Variants in GARNL3 observed in about 807,000 individuals in gnomAD.
GARNL3 encodes the protein GTPase activating Rap/RanGAP domain like 3.
In GARNL3, 63 loss-of-function variants were observed where a neutral mutation model predicts 125.0. The observed-to-expected ratio is 0.50, with a 90% CI of 0.41 to 0.62. The LOEUF is 0.62. Among genes scored for constraint, GARNL3 ranks in the 20% least tolerant of loss-of-function variants. GARNL3 has a pLI of 0.00. For missense variants in GARNL3, 994 were observed against 1,244.0 expected, an observed-to-expected ratio of 0.80 and a Z score of 3.02; for synonymous variants, 439 against 457.5, an observed-to-expected ratio of 0.96 and a Z score of 0.52.
At chr9:127,387,148 C>T (rs1832583348) in intron 24 of GARNL3, 45 bp from the exon 25 acceptor site, 2 of 1,588,634 alleles carry the variant, frequency 1.3e-6, no homozygotes, top group Non-Finnish European at 1.7e-6. Context: ...GGATGCAAGG[C>T]CTAGAACACC....
intron 22 of GARNL3, among the ~76,000 whole-genome samples, chr9:127,377,463 G>A (rs1332200477): frequency 2.0e-5 from 3 of 152,138 alleles, no homozygotes; most frequent in Admixed American, 6.6e-5. Flanking sequence ...AAGTCTTAGC[G>A]GTGGAGAGAG....
intron 11 of GARNL3, among the ~76,000 whole-genome samples, chr9:127,337,704 G>A (rs1483475729): frequency 1.3e-5 from 2 of 152,124 alleles, no homozygotes; most frequent in African/African-American, 2.4e-5. Flanking sequence ...GGTATACAGC[G>A]GAAACATTTA....
At chr9:127,308,519 C>A (rs1564904002) in intron 2 of GARNL3, among the ~76,000 whole-genome samples, 1 of 151,862 alleles carries the variant, frequency 6.6e-6, no homozygotes, top group Non-Finnish European at 1.5e-5. Flanking sequence ...GCACATGTAC[C>A]CCTTCAACCT....
rs1472767427 is a variant in GARNL3 at position 127,384,207 on chromosome 9, C to A, written c.2269+662C>A. On this transcript the variant is annotated intron_variant, in intron 23 of 27. Coordinates refer to ENST00000373387, the MANE Select transcript of GARNL3 (RefSeq NM_032293.5). This position sits in a 1 kb window ranked among gnomAD's most constrained non-coding sequence, Gnocchi z 4.0. ...AGTTAGACTTGATGACAGATTAGAT[C>A]TGGTAGACAGGAAAGGGAGATTTTG... Among the ~76,000 whole-genome samples the A allele has an allele frequency of 6.6e-6, 1 of 152,148 alleles. No individual in the cohort carries two copies. The highest frequency in any genetic ancestry group is 2.4e-5 in the African/African-American group (1 of 41,418).
At chr9:127,348,373 T>A (rs901371856) in intron 16 of GARNL3, among the ~76,000 whole-genome samples, 2 of 152,236 alleles carry the variant, frequency 1.3e-5, no homozygotes, top group African/African-American at 4.8e-5. Context: ...TAGCTCTGTT[T>A]ACAGCTCTTG....
chr9:127,259,263 C>T (rs555152116), upstream of GARNL3, among the ~76,000 whole-genome samples: 2 of 152,196 alleles, frequency 1.3e-5, no homozygotes, highest in African/African-American at 4.8e-5. Context: ...AATCTTTGCT[C>T]TCATCCCAGG....
chr9:127,346,052 A>G (rs1414132616), intron 16 of GARNL3, among the ~76,000 whole-genome samples: 1 of 152,232 alleles, frequency 6.6e-6, no homozygotes, highest in Non-Finnish European at 1.5e-5. Flanking sequence ...TTGAAAAACC[A>G]ATGCTTAATC....
chr9:127,355,148 TC>T (rs1830620337), intron 19 of GARNL3, 148 bp from the exon 20 acceptor site: 1 of 640,308 alleles, frequency 1.6e-6, no homozygotes, highest in Non-Finnish European at 2.7e-6. Flanking sequence ...ATATGTAGTC[TC>T]CATTTTGCCT....
upstream of GARNL3, among the ~76,000 whole-genome samples, chr9:127,260,540 A>G (rs1389820110): frequency 2.0e-5 from 3 of 152,212 alleles, no homozygotes; most frequent in Non-Finnish European, 4.4e-5. Context: ...ACTATACTAC[A>G]GGGATTGACA....
At chr9:127,285,441 G>A (rs754255830) in intron 1 of GARNL3, among the ~76,000 whole-genome samples, 12 of 152,164 alleles carry the variant, frequency 7.9e-5, no homozygotes, top group Admixed American at 2.6e-4. Context: ...TTCAATATTA[G>A]GTCGGTTTTT....
At chr9:127,370,267 A>G (rs4836561) in intron 22 of GARNL3, among the ~76,000 whole-genome samples, 111,982 of 152,112 alleles carry the variant, frequency 0.74, 42,128 homozygotes, top group East Asian at 0.92. Context: ...GCCCCGCAGC[A>G]CAGGCCTTGA....
upstream of GARNL3, among the ~76,000 whole-genome samples, chr9:127,259,982 A>G (rs114319118): frequency 0.027 from 4,167 of 152,298 alleles, 187 homozygotes; most frequent in African/African-American, 0.096. Context: ...GCAGTGAGCT[A>G]TGATTACACC....
intron 2 of GARNL3, among the ~76,000 whole-genome samples, chr9:127,254,526 T>C (rs1468655034): frequency 1.3e-5 from 2 of 152,136 alleles, no homozygotes; most frequent in Admixed American, 6.5e-5. Context: ...CCCAGCACTT[T>C]GGGAGGCCGA....
At chr9:127,229,805 A>C (rs2812289) in intron 1 of GARNL3, among the ~76,000 whole-genome samples, 117,451 of 152,228 alleles carry the variant, frequency 0.77, 45,665 homozygotes, top group African/African-American at 0.85. Flanking sequence ...AGTTTAAATG[A>C]CTCATGTTTA....
chr9:127,314,241 G>T (rs766320539), intron 4 of GARNL3, among the ~76,000 whole-genome samples: 1 of 152,178 alleles, frequency 6.6e-6, no homozygotes, highest in East Asian at 1.9e-4. Context: ...GAGGAGGCAG[G>T]ACCATTGCCA....
chr9:127,347,527 C>T (rs1830206109), intron 16 of GARNL3, among the ~76,000 whole-genome samples: 1 of 152,090 alleles, frequency 6.6e-6, no homozygotes, highest in Non-Finnish European at 1.5e-5. Flanking sequence ...CCTGTAGGGC[C>T]CTTGAATCTT....
At chr9:127,293,005 TATA>T (rs1453896754) in intron 2 of GARNL3, among the ~76,000 whole-genome samples, 1 of 152,224 alleles carries the variant, frequency 6.6e-6, no homozygotes, top group Non-Finnish European at 1.5e-5. Context: ...TCTCTGGAAA[TATA>T]ATATCAAGGA....
At chr9:127,372,432 A>G (rs1344796203) in intron 22 of GARNL3, among the ~76,000 whole-genome samples, 1 of 152,242 alleles carries the variant, frequency 6.6e-6, no homozygotes, top group Non-Finnish European at 1.5e-5. Context: ...TTCTTAATCT[A>G]TATTTGTAAA....
At chr9:127,282,197 C>A (rs2064124092) in intron 1 of GARNL3, among the ~76,000 whole-genome samples, 1 of 151,882 alleles carries the variant, frequency 6.6e-6, no homozygotes, top group Admixed American at 6.6e-5. Context: ...TTAGTACAGG[C>A]CCTGAAAAAA....
Sources: allele counts gnomAD v4.1 joint callset (sites outside exome capture counted in the v4.1 genomes callset), GRCh38; gene constraint gnomAD v4.1.1; non-coding constraint Gnocchi (gnomAD v3.1); transcripts MANE v1.5; gene names NCBI Gene and HGNC (gene_info 2026-07-23, HGNC 2026-07-21).